Variants in ANKS3 observed in about 807,000 individuals in gnomAD.
The protein encoded by ANKS3 is ankyrin repeat and sterile alpha motif domain containing 3.
Under a neutral mutation model 80.7 loss-of-function variants are expected in ANKS3, and 62 were observed. The observed-to-expected ratio is 0.77, with a 90% CI of 0.63 to 0.95. The LOEUF (loss-of-function observed/expected upper bound fraction) is 0.95, where lower values mean the gene tolerates loss of function less well. Among genes scored for constraint, ANKS3 ranks in the 40% least tolerant of loss-of-function variants. The pLI, the probability that ANKS3 is intolerant of heterozygous loss-of-function variation, is 0.00. For missense variants in ANKS3, 1,150 were observed against 883.6 expected, an observed-to-expected ratio of 1.30 and a Z score of -3.82; for synonymous variants, 489 against 355.3, an observed-to-expected ratio of 1.38 and a Z score of -4.23.
At chr16:4,704,286 G>A (rs2080072797) in intron 8 of ANKS3, among the ~76,000 whole-genome samples, 1 of 152,174 alleles carries the variant, frequency 6.6e-6, no homozygotes, top group South Asian at 2.1e-4. Context: ...TGGACCCCTG[G>A]CTGAAACACT....
intron 5 of ANKS3, among the ~76,000 whole-genome samples, chr16:4,726,331 G>A (rs2081349901): frequency 6.6e-6 from 1 of 152,202 alleles, no homozygotes; most frequent in South Asian, 2.1e-4. Flanking sequence ...CAAGAAAATG[G>A]AAGGAATTTG....
chr16:4,733,837 G>T, intron 1 of ANKS3, 101 bp downstream of exon 1: 1 of 808,760 alleles, frequency 1.2e-6, no homozygotes, highest in Non-Finnish European at 1.5e-6. Flanking sequence ...GAGGAGGTCT[G>T]TGAAAGCACC....
At chr16:4,700,406 G>T (rs144730870) in intron 11 of ANKS3, 121 of 198,558 alleles carry the variant, frequency 6.1e-4, no homozygotes, top group African/African-American at 2.6e-3. Context: ...GACAGTGCGA[G>T]ACTCCGTCTC....
Position 4,701,130 on chromosome 16 carries a change from G to A in ANKS3, c.1124C>T (p.Ser375Leu), listed in dbSNP as rs1446586876. 4 of 1,613,868 alleles carry A rather than the reference G, an allele frequency of 2.5e-6. No homozygotes were observed. The South Asian group carries it at 4.4e-5, about 18-fold the overall frequency. Residue 375 changes from serine to leucine, a missense_variant, in exon 11 of 18, where the codon TCG (serine) becomes TTG (leucine). By Grantham distance (145) the Ser-to-Leu change is moderately radical. Transcript: ENST00000304283. ...SEASVESNED[S>L]DHACKSSARK... ...AGCTGAGCTTTTACAGGCATGATCC[G>A]AGTCCTGCAGTGAGAGGCGTGCATC...
intron 7 of ANKS3, among the ~76,000 whole-genome samples, chr16:4,711,976 C>T (rs865868582): frequency 6.6e-6 from 1 of 152,120 alleles, no homozygotes; most frequent in South Asian, 2.1e-4. Flanking sequence ...ACTAATGCTA[C>T]GTGTATTGTC....
At chr16:4,724,265 G>T (rs1258880899) in intron 6 of ANKS3, among the ~76,000 whole-genome samples, 3 of 152,128 alleles carry the variant, frequency 2.0e-5, no homozygotes, top group Non-Finnish European at 4.4e-5. Context: ...ATGTCTATAA[G>T]ATGTCTCTAA....
At chr16:4,715,934 G>A (rs552882738) in intron 6 of ANKS3, among the ~76,000 whole-genome samples, 1 of 152,034 alleles carries the variant, frequency 6.6e-6, no homozygotes, top group African/African-American at 2.4e-5. Context: ...GAATCAGAAG[G>A]AACTTAAAAT....
chr16:4,724,842 T>G lies in ANKS3; in HGVS notation c.492-11A>C. ...CCACATATCGGCTCCCTGCAAGATG[T>G]GGGCCACAGTCAGATGATTGGAAGA... On this transcript the variant is annotated splice_polypyrimidine_tract_variant and intron_variant, in intron 5 of 17. Coordinates refer to ENST00000304283, the MANE Select transcript of ANKS3 (RefSeq NM_133450.4). The G allele has an allele frequency of 6.2e-7, 1 of 1,613,496 alleles. No individual in the cohort carries two copies. Among genetic ancestry groups the G allele is most frequent in the Non-Finnish European group, 8.5e-7 (1 of 1,179,692 alleles).
Position 4,697,020 on chromosome 16 carries a change from C to T in ANKS3, c.*8G>A, listed in dbSNP as rs2079591417. 6.2e-7 allele frequency: 1 copy of T among 1,611,944 alleles called. No homozygotes were observed. Among genetic ancestry groups the T allele is most frequent in the Non-Finnish European group, 8.5e-7 (1 of 1,179,356 alleles). On this transcript the variant is annotated 3_prime_UTR_variant, in exon 17 of 18. Coordinates refer to ENST00000304283, the MANE Select transcript of ANKS3 (RefSeq NM_133450.4). ...ATCCAGGCTGGCAGACACTCACCGG[C>T]CCGCAGGCTAGGTCTCCCGCCACTT...
intron 7 of ANKS3, among the ~76,000 whole-genome samples, chr16:4,711,228 C>T (rs761485392): frequency 4.0e-5 from 6 of 151,180 alleles, no homozygotes; most frequent in East Asian, 2.0e-4. Context: ...CTCAGCCTCC[C>T]GAGTAGCTGG....
intron 16 of ANKS3, 111 bp from the exon 17 acceptor site, chr16:4,697,215 C>A: frequency 6.4e-7 from 1 of 1,554,684 alleles, no homozygotes; most frequent in Non-Finnish European, 8.8e-7. Context: ...GTTATGGCCC[C>A]AGCCCCGAGG....
At chr16:4,710,641 C>T (rs756007708) in intron 7 of ANKS3, among the ~76,000 whole-genome samples, 4 of 151,790 alleles carry the variant, frequency 2.6e-5, no homozygotes, top group East Asian at 1.9e-4. Context: ...GCCTGGGAGG[C>T]GGAGGTTGCA....
At chr16:4,702,448 G>A (rs561137304) in intron 8 of ANKS3, among the ~76,000 whole-genome samples, 7 of 152,228 alleles carry the variant, frequency 4.6e-5, no homozygotes, top group African/African-American at 7.2e-5. Context: ...CTGGTGGGGC[G>A]AGGGCTGGCA....
At position 4,705,241 on chromosome 16, in the gene ANKS3, T is replaced by C; in HGVS notation, c.722A>G (p.Asp241Gly). Residue 241 changes from aspartate (D) to glycine (G), a missense_variant, in exon 8 of 18, where the codon GAT (aspartate) becomes GGT (glycine). Transcript: ENST00000304283. ...GCAGGACTCGTCAGAAGAGCTCAGA[T>C]CTTCGTACTTTTCTGTGATCAAACA... ...SLYRSPEKYEDLSSSDESCPA... is the reference protein window; with the variant it reads ...SLYRSPEKYEGLSSSDESCPA... The C allele has an allele frequency of 6.2e-7, 1 of 1,613,880 alleles. No homozygotes were observed. The highest frequency in any genetic ancestry group is 1.1e-5 in the South Asian group (1 of 91,050).
Position 4,701,115 on chromosome 16 carries a change from T to C in ANKS3, c.1139A>G (p.Lys380Arg). The C allele has an allele frequency of 6.2e-7, 1 of 1,613,978 alleles. No individual in the cohort carries two copies. Among genetic ancestry groups the C allele is most frequent in the Non-Finnish European group, 8.5e-7 (1 of 1,180,030 alleles). Residue 380 changes from lysine to arginine, a missense_variant, in exon 11 of 18, where the codon AAA (lysine) becomes AGA (arginine). By Grantham distance (26) the Lys-to-Arg change is conservative. Transcript: ENST00000304283. ...ESNEDSDHAC[K>R]SSARKQAKSY... Reference sequence around the variant, plus strand: ...TTTAGCTTGTTTGCGAGCTGAGCTTTTACAGGCATGATCCGAGTCCTGCAG... The same window carrying C: ...TTTAGCTTGTTTGCGAGCTGAGCTTCTACAGGCATGATCCGAGTCCTGCAG...
Position 4,699,082 on chromosome 16 carries a change from G to C in ANKS3, c.1379C>G (p.Thr460Ser). The change falls in exon 12 of 18, where the codon ACT becomes AGT. Residue 460 changes from threonine to serine, a missense_variant. Coordinates refer to ENST00000304283, the MANE Select transcript of ANKS3 (RefSeq NM_133450.4). Reference protein sequence around the residue: ...DVDLRIFLTLTESDLKEIGIT... With the variant: ...DVDLRIFLTLSESDLKEIGIT... ...GCCAATTTCCTTCAGGTCGCTCTCA[G>C]TGAGGGTCAGAAAGATGCGGAGGTC... 2 of 1,614,178 alleles carry C rather than the reference G, an allele frequency of 1.2e-6. No homozygotes were observed. Among genetic ancestry groups the C allele is most frequent in the Non-Finnish European group, 1.7e-6 (2 of 1,180,042 alleles).
At chr16:4,702,302 C>G in intron 8 of ANKS3, 60 bp from the exon 9 acceptor site, 2 of 1,400,974 alleles carry the variant, frequency 1.4e-6, no homozygotes, top group East Asian at 5.9e-5. Context: ...TCCTCAGAGG[C>G]CGAGGCCCAG....
intron 10 of ANKS3, 97 bp downstream of exon 10, chr16:4,701,337 G>A: frequency 8.1e-6 from 11 of 1,361,036 alleles, no homozygotes; most frequent in Non-Finnish European, 1.1e-5. Flanking sequence ...TGCAGCAGCT[G>A]CTTCTTACAT....
chr16:4,698,801 T>C lies in ANKS3; in HGVS notation c.1550A>G (p.Lys517Arg), dbSNP rs149200703. ...CCCATCCCCCACCCAGCCACTCACC[T>C]TGTGCAGCTGGATGGCGAGCTCCTG... The part of the protein sequence containing the change: ...EMQELAIQLH[K>R]RCEEVEATRG... Residue 517 changes from lysine (K) to arginine (R), a missense_variant and splice_region_variant, in exon 13 of 18, where the codon AAG (lysine) becomes AGG (arginine). Coordinates refer to ENST00000304283, the MANE Select transcript of ANKS3 (RefSeq NM_133450.4). The C allele has an allele frequency of 1.0e-3, 1,684 of 1,603,986 alleles. 3 individuals are homozygous for C. Among genetic ancestry groups the C allele is most frequent in the Non-Finnish European group, 1.4e-3 (1,631 of 1,175,388 alleles).
Sources: allele counts gnomAD v4.1 joint callset (sites outside exome capture counted in the v4.1 genomes callset), GRCh38; gene constraint gnomAD v4.1.1; transcripts MANE v1.5; gene names NCBI Gene and HGNC (gene_info 2026-07-23, HGNC 2026-07-21).